The following ANO6 variants were observed in gnomAD, a reference collection of about 807,000 sequenced individuals.
ANO6 encodes anoctamin 6.
A neutral mutation model predicts 117.5 loss-of-function variants in ANO6; 106 were observed. The observed-to-expected ratio is 0.90, with a 90% CI of 0.77 to 1.06. ANO6 has a LOEUF of 1.06. Ranked by LOEUF, ANO6 falls within the 50% of genes least tolerant of loss-of-function variation. ANO6 has a pLI of 0.00. For missense variants in ANO6, 955 were observed against 1,121.1 expected, an observed-to-expected ratio of 0.85 and a Z score of 2.12; for synonymous variants, 367 against 385.1, an observed-to-expected ratio of 0.95 and a Z score of 0.55.
chr12:45,258,537 T>C (rs1379035053), intron 1 of ANO6, among the ~76,000 whole-genome samples: 1 of 152,160 alleles, frequency 6.6e-6, no homozygotes, highest in African/African-American at 2.4e-5. Flanking sequence ...TCCTCTTTAC[T>C]TCTCTCTCCT....
At chr12:45,224,303 T>G (rs1310488589) in intron 1 of ANO6, among the ~76,000 whole-genome samples, 1 of 152,180 alleles carries the variant, frequency 6.6e-6, no homozygotes, top group Non-Finnish European at 1.5e-5. Flanking sequence ...TCTAAAGGCA[T>G]GATGATTTCT....
chr12:45,221,976 G>T (rs1403113179), intron 1 of ANO6, among the ~76,000 whole-genome samples: 1 of 150,700 alleles, frequency 6.6e-6, no homozygotes, highest in Non-Finnish European at 1.5e-5. Flanking sequence ...CCGCCTCTTG[G>T]ATTCACTCCA....
chr12:45,406,337 G>C (rs1182868366), intron 15 of ANO6, among the ~76,000 whole-genome samples: 2 of 152,202 alleles, frequency 1.3e-5, no homozygotes, highest in African/African-American at 4.8e-5. Flanking sequence ...CTCCACCTTA[G>C]TGTTTTGATA....
chr12:45,400,854 C>T (rs1029315125), intron 12 of ANO6, among the ~76,000 whole-genome samples: 2 of 152,196 alleles, frequency 1.3e-5, no homozygotes, highest in Non-Finnish European at 1.5e-5. Context: ...CACGAGCAGT[C>T]ACACACCTTG....
chr12:45,334,218 G>A (rs920988334), intron 3 of ANO6, among the ~76,000 whole-genome samples: 2 of 152,096 alleles, frequency 1.3e-5, no homozygotes, highest in Non-Finnish European at 2.9e-5. Flanking sequence ...CGCTCGTTTA[G>A]TCTGTACTGG....
In ANO6 at chr12:45,216,421, G is replaced by A. The variant is rs759269159; in HGVS notation, c.70+30G>A. On this transcript the variant is annotated intron_variant, in intron 1 of 19. Transcript: ENST00000320560. ...GCGAGGGGTCCCCGCGTCCCCACCC[G>A]AGAGCCCGAGCCGACGCGGGAAGAA... 12 of 1,602,796 alleles carry A rather than the reference G, an allele frequency of 7.5e-6. No individual in the cohort carries two copies. The Middle Eastern group carries it at 6.6e-4, about 88-fold the overall frequency.
intron 1 of ANO6, among the ~76,000 whole-genome samples, chr12:45,265,434 A>G (rs1167251622): frequency 1.3e-5 from 2 of 152,160 alleles, no homozygotes; most frequent in East Asian, 1.9e-4. Context: ...ATTTTCTTCT[A>G]TATCTTGCAG....
In ANO6 at chr12:45,380,677, G is replaced by A. The variant is rs564955815; in HGVS notation, c.1165+2564G>A. On this transcript the variant is annotated intron_variant, in intron 10 of 19. Transcript: ENST00000320560. ...AGAGAGTTTCTAGCCCTTGAATTAG[G>A]AGGTTGGAATAAACGGCTGGGTGTG... 2.3e-4 allele frequency among the ~76,000 whole-genome samples: 35 copies of A among 152,302 alleles called. No homozygotes were observed. In the South Asian group the frequency reaches 7.3e-3, roughly 32 times the overall value.
intron 1 of ANO6, among the ~76,000 whole-genome samples, chr12:45,246,084 A>G (rs752369711): frequency 6.6e-6 from 1 of 152,198 alleles, no homozygotes; most frequent in African/African-American, 2.4e-5. Context: ...AAAGCACTGA[A>G]TTGCCAAGTC....
At chr12:45,219,118 G>C (rs1393381462) in intron 1 of ANO6, among the ~76,000 whole-genome samples, 1 of 151,934 alleles carries the variant, frequency 6.6e-6, no homozygotes, top group Admixed American at 6.6e-5. Flanking sequence ...GAATTATTTT[G>C]ACACGAGTTC....
chr12:45,362,469 T>G (rs1941580402), intron 8 of ANO6, among the ~76,000 whole-genome samples: 1 of 152,116 alleles, frequency 6.6e-6, no homozygotes, highest in South Asian at 2.1e-4. Context: ...TACTTTTCTG[T>G]CCTGTATTTC....
At chr12:45,280,485 A>G (rs1938691456) in intron 1 of ANO6, among the ~76,000 whole-genome samples, 1 of 152,216 alleles carries the variant, frequency 6.6e-6, no homozygotes, top group Admixed American at 6.5e-5. Flanking sequence ...GGCAAGGTGT[A>G]GGAATCATTT....
At chr12:45,337,171 C>G (rs1940850815) in intron 3 of ANO6, among the ~76,000 whole-genome samples, 1 of 152,024 alleles carries the variant, frequency 6.6e-6, no homozygotes, top group Admixed American at 6.6e-5. Flanking sequence ...TGTCTTAAGC[C>G]TTCAGGTTCA....
intron 15 of ANO6, among the ~76,000 whole-genome samples, chr12:45,408,377 C>G (rs551950017): frequency 9.2e-5 from 14 of 152,110 alleles, no homozygotes; most frequent in South Asian, 2.1e-4. Context: ...AGGTGCACAC[C>G]TCATTTTACT....
Position 45,227,467 on chromosome 12 carries a change from A to T in ANO6, c.70+11076A>T, listed in dbSNP as rs181055721. Among the ~76,000 whole-genome samples the T allele has an allele frequency of 1.9e-3, 286 of 152,244 alleles. 2 individuals carry two copies. Among genetic ancestry groups the T allele is most frequent in the South Asian group, 9.3e-3 (45 of 4,818 alleles). ...CCCCTAGAATTGATTGAATGACACA[A>T]GCTTCTCAGCCTCTCTGAGCCTGTT... is the stretch of plus-strand genomic sequence containing the variant. On this transcript the variant is annotated intron_variant, in intron 1 of 19. Transcript: ENST00000320560.
At chr12:45,320,488 TTGTTA>T (rs1215125090) in intron 2 of ANO6, among the ~76,000 whole-genome samples, 2 of 152,176 alleles carry the variant, frequency 1.3e-5, no homozygotes, top group African/African-American at 4.8e-5. Context: ...GAGAGACAGT[TTGTTA>T]TAATTTCTGT....
intron 1 of ANO6, among the ~76,000 whole-genome samples, chr12:45,239,701 T>G (rs144610916): frequency 9.3e-4 from 141 of 152,334 alleles, no homozygotes; most frequent in African/African-American, 3.2e-3. Flanking sequence ...TAAATTTCCC[T>G]CTGCACACTG....
chr12:45,412,465 TC>T (rs1943110436), intron 16 of ANO6, among the ~76,000 whole-genome samples: 1 of 152,208 alleles, frequency 6.6e-6, no homozygotes, highest in African/African-American at 2.4e-5. Context: ...GTAATGAAGA[TC>T]AGCTATTCTT....
chr12:45,395,325 G>A (rs1942580690), intron 12 of ANO6, among the ~76,000 whole-genome samples: 1 of 152,124 alleles, frequency 6.6e-6, no homozygotes, highest in Non-Finnish European at 1.5e-5. Flanking sequence ...TCAATAACAG[G>A]CTCTGAAATT....
Sources: allele counts gnomAD v4.1 joint callset (sites outside exome capture counted in the v4.1 genomes callset), GRCh38; gene constraint gnomAD v4.1.1; transcripts MANE v1.5; gene names NCBI Gene and HGNC (gene_info 2026-07-23, HGNC 2026-07-21).